Variants in PRKG1 observed in about 807,000 individuals in gnomAD.
PRKG1 encodes the protein cGMP-dependent protein kinase 1.
PRKG1 carries 35 observed loss-of-function variants against 88.1 expected under a neutral mutation model. The observed-to-expected ratio is 0.40, with a 90% CI of 0.30 to 0.53. The LOEUF (loss-of-function observed/expected upper bound fraction) is 0.53. Ranked by LOEUF, PRKG1 falls within the 20% of genes least tolerant of loss-of-function variation. PRKG1 has a pLI of 0.59. For missense variants in PRKG1, 540 were observed against 839.8 expected (o/e 0.64, Z 4.41); for synonymous variants, 303 against 292.5 (o/e 1.04, Z -0.37).
intron 2 of PRKG1, among the ~76,000 whole-genome samples, chr10:51,231,762 A>C (rs1365836545): frequency 1.3e-5 from 2 of 151,938 alleles, no homozygotes; most frequent in Admixed American, 1.3e-4. Context: ...TTTTCTGGAG[A>C]ATTGATAAAC....
intron 3 of PRKG1, among the ~76,000 whole-genome samples, chr10:51,703,771 A>G (rs962345893): frequency 5.3e-5 from 8 of 152,208 alleles, no homozygotes; most frequent in South Asian, 4.1e-4. Context: ...CATCAGAAAC[A>G]GAGAAATCTT....
At chr10:52,043,917 G>GA (rs5784899) in intron 5 of PRKG1, among the ~76,000 whole-genome samples, 19,783 of 133,826 alleles carry the variant, frequency 0.15, 1,700 homozygotes, top group East Asian at 0.34. Flanking sequence ...GTTAAACATA[G>GA]AAAAAAAAAA....
At chr10:52,003,855 G>T (rs1844661016) in intron 5 of PRKG1, among the ~76,000 whole-genome samples, 2 of 152,134 alleles carry the variant, frequency 1.3e-5, no homozygotes, top group Non-Finnish European at 2.9e-5. Flanking sequence ...GTAGCTTAGT[G>T]CTCATGAGTA....
intron 3 of PRKG1, among the ~76,000 whole-genome samples, chr10:51,539,429 C>T (rs1411742456): frequency 6.6e-6 from 1 of 152,070 alleles, no homozygotes; most frequent in African/African-American, 2.4e-5. Context: ...AAACAATGTA[C>T]AAAGATTGGG....
At chr10:51,045,341 A>C (rs1294950483) in intron 1 of PRKG1, among the ~76,000 whole-genome samples, 1 of 151,846 alleles carries the variant, frequency 6.6e-6, no homozygotes, top group African/African-American at 2.4e-5. Context: ...TTATTTTTTG[A>C]GATGGAGTCT....
chr10:52,211,232 A>T (rs1839963130), intron 9 of PRKG1, among the ~76,000 whole-genome samples: 1 of 152,172 alleles, frequency 6.6e-6, no homozygotes, highest in South Asian at 2.1e-4. Flanking sequence ...TACAGTCCCC[A>T]CAGGAATTCA....
At chr10:51,607,952 A>C (rs1323019777) in intron 3 of PRKG1, among the ~76,000 whole-genome samples, 1 of 152,234 alleles carries the variant, frequency 6.6e-6, no homozygotes, top group Non-Finnish European at 1.5e-5. Flanking sequence ...TTCCATTTCC[A>C]AATGATGTTT....
rs1212332727 is a variant in PRKG1 at position 51,667,732 on chromosome 10, T to C, written c.593-136853T>C. On this transcript the variant is annotated intron_variant, in intron 3 of 17. Coordinates refer to ENST00000373980, the MANE Select transcript of PRKG1 (RefSeq NM_006258.4). ...TTTATTAAGATTTATTTGTCTCTTC[T>C]GTATGTCTTCAAAGTATTGTTTTCT... Among the ~76,000 whole-genome samples the C allele has an allele frequency of 2.0e-5, 3 of 152,336 alleles. No individual in the cohort carries two copies. The East Asian group carries it at 5.8e-4, about 29-fold the overall frequency.
At chr10:51,293,468 T>A (rs548210395) in intron 2 of PRKG1, among the ~76,000 whole-genome samples, 2 of 152,156 alleles carry the variant, frequency 1.3e-5, no homozygotes, top group African/African-American at 4.8e-5. Context: ...GGTGAGATCA[T>A]GCAATAGTTG....
Position 51,056,693 on chromosome 10 carries a change from A to T in PRKG1, c.266+65049A>T, listed in dbSNP as rs547215436. Among the ~76,000 whole-genome samples the T allele has an allele frequency of 1.2e-4, 19 of 152,228 alleles. No homozygotes were observed. The South Asian group carries it at 3.9e-3, about 32-fold the overall frequency. ...AAACTGTAGCTACCTTTCCATTACC[A>T]AGTTAATGTAGTCTACATTTGTCAG... On this transcript the variant is annotated intron_variant, in intron 1 of 17. Transcript: ENST00000401604.
intron 1 of PRKG1, among the ~76,000 whole-genome samples, chr10:51,106,042 A>G (rs1398000458): frequency 6.6e-6 from 1 of 152,250 alleles, no homozygotes; most frequent in Non-Finnish European, 1.5e-5. Flanking sequence ...ACTCTGGGAA[A>G]GGATGAAGTA....
chr10:52,036,385 G>T (rs539376387), intron 5 of PRKG1, among the ~76,000 whole-genome samples: 3 of 146,486 alleles, frequency 2.0e-5, no homozygotes, highest in Admixed American at 6.7e-5. Flanking sequence ...TGTAAGGCTC[G>T]TCCGGTTTTA....
chr10:51,907,697 G>A (rs777807788), intron 5 of PRKG1, 127 bp downstream of exon 5: 17 of 747,192 alleles, frequency 2.3e-5, no homozygotes, highest in Non-Finnish European at 3.5e-5. Flanking sequence ...GCTCTGGGAT[G>A]AGCTATATAT....
At chr10:51,436,321 T>C (rs1838929671) in intron 2 of PRKG1, among the ~76,000 whole-genome samples, 1 of 151,934 alleles carries the variant, frequency 6.6e-6, no homozygotes, top group Admixed American at 6.6e-5. Flanking sequence ...AGTGTGCGTG[T>C]GTTTGTGTTT....
At chr10:51,038,305 T>G (rs1346123818) in intron 1 of PRKG1, among the ~76,000 whole-genome samples, 1 of 152,256 alleles carries the variant, frequency 6.6e-6, no homozygotes, top group Admixed American at 6.5e-5. Context: ...CTCAAGCATT[T>G]ATCCTTTATT....
intron 7 of PRKG1, among the ~76,000 whole-genome samples, chr10:52,063,648 A>T (rs1034758469): frequency 1.3e-5 from 2 of 152,216 alleles, no homozygotes; most frequent in Admixed American, 1.3e-4. Context: ...GAGGAGCTTT[A>T]TTGAACACTA....
chr10:51,660,132 A>T (rs1286216115), intron 3 of PRKG1, among the ~76,000 whole-genome samples: 1 of 70,294 alleles, frequency 1.4e-5, no homozygotes, highest in East Asian at 2.6e-4. Context: ...AAGGGAATTA[A>T]AAAAAAAAAA....
intron 3 of PRKG1, among the ~76,000 whole-genome samples, chr10:51,744,427 T>C (rs1837525440): frequency 6.6e-6 from 1 of 152,164 alleles, no homozygotes; most frequent in African/African-American, 2.4e-5. Flanking sequence ...TGTTTCAAGT[T>C]AGAGGCTGAA....
At chr10:51,420,234 AC>A (rs1362386347) in intron 2 of PRKG1, among the ~76,000 whole-genome samples, 1 of 152,106 alleles carries the variant, frequency 6.6e-6, no homozygotes, top group Non-Finnish European at 1.5e-5. Context: ...GGTGCCACAC[AC>A]TTTTAAATGA....
Sources: gnomAD v4.1 joint callset for allele counts (sites outside exome capture counted in the v4.1 genomes callset) on GRCh38, gnomAD v4.1.1 for gene constraint, MANE v1.5 for transcripts, NCBI Gene and HGNC (gene_info 2026-07-23, HGNC 2026-07-21) for gene names.